The following CIC variants were observed in gnomAD, a reference collection of about 807,000 sequenced individuals.
CIC encodes the protein capicua transcriptional repressor, also known as protein capicua homolog.
CIC carries 18 observed loss-of-function variants against 115.7 expected under a neutral mutation model. The ratio of observed to expected loss-of-function variants is 0.16; its 90% CI spans 0.11 to 0.23. CIC has a LOEUF of 0.23. Ranked by LOEUF, CIC falls within the 10% of genes least tolerant of loss-of-function variation. The pLI, the probability that CIC is intolerant of heterozygous loss-of-function variation, is 1.00. For missense variants in CIC, 2,000 were observed against 2,159.3 expected (o/e 0.93, Z 1.46); for synonymous variants, 1,076 against 923.0 (o/e 1.17, Z -3.01).
chr19:42,284,587 G>T (rs1296585191), intron 2 of CIC: 1 of 402,616 alleles, frequency 2.5e-6, no homozygotes, highest in East Asian at 4.4e-5. Context: ...GGCATGCGGC[G>T]ACGGCCTCCC....
In CIC at chr19:42,292,099, C is replaced by G; in HGVS notation, c.5627C>G (p.Thr1876Ser). The change falls in exon 13 of 21, where the codon ACC becomes AGC. Residue 1876 changes from threonine (T) to serine (S), a missense_variant. Physicochemically the swap from Thr to Ser is moderately conservative, Grantham distance 58. Around this residue, in one of 8 missense-constraint regions of CIC, gnomAD observed 1,466 missense variants for 1,390.4 expected, o/e 1.05. Coordinates refer to ENST00000681038, the MANE Select transcript of CIC (RefSeq NM_001386298.1). ...CCTTCTCCACAGATCATCCAGCTGA[C>G]CCCGGTGCCTGTGAGCACACCCAGC... ...AQPPSKIIQL[T>S]PVPVSTPSGL... 6.2e-7 allele frequency: 1 copy of G among 1,613,896 alleles called. No individual in the cohort carries two copies. The highest frequency in any genetic ancestry group is 8.5e-7 in the Non-Finnish European group (1 of 1,180,012).
intron 2 of CIC, among the ~76,000 whole-genome samples, chr19:42,279,075 C>G (rs1439707627): frequency 1.3e-5 from 2 of 152,212 alleles, no homozygotes; most frequent in East Asian, 3.8e-4. Flanking sequence ...AAAGGAGTCC[C>G]AGATATAGTG....
chr19:42,292,005 G>C (rs1216151572), intron 12 of CIC, 81 bp from the exon 13 acceptor site: 1 of 1,597,344 alleles, frequency 6.3e-7, no homozygotes, highest in African/African-American at 1.3e-5. Flanking sequence ...TTTGCTTAGA[G>C]TCCCACTTGA....
In CIC at chr19:42,291,035, C is replaced by T. The variant is rs377759151; in HGVS notation, c.4994C>T (p.Ala1665Val). Residue 1665 changes from alanine to valine, a missense_variant, in exon 11 of 21, where the codon GCG becomes GTG. Physicochemically the swap from Ala to Val is moderately conservative, Grantham distance 64 (BLOSUM62 0). Transcript: ENST00000681038. Reference protein sequence around the residue: ...AGPLLGTVGKAPATVTNLLVG... With the variant: ...AGPLLGTVGKVPATVTNLLVG... The stretch of plus-strand genomic sequence containing the variant: ...CCCCTGCTGGGCACTGTGGGGAAGG[C>T]GCCTGCCACTGTCACTAACCTACTG... 52 of 1,613,628 alleles carry T rather than the reference C, an allele frequency of 3.2e-5. No homozygotes were observed. The highest frequency in any genetic ancestry group is 3.1e-4 in the African/African-American group (23 of 74,906).
rs2147181380 is a variant in CIC, at chr19:42,287,144, C to A, written c.3083C>A (p.Ser1028Tyr). 2 of 1,613,608 alleles carry A rather than the reference C, an allele frequency of 1.2e-6. No individual in the cohort carries two copies. The highest frequency in any genetic ancestry group is 1.7e-6 in the Non-Finnish European group (2 of 1,179,896). The change falls in exon 4 of 21, where the codon TCT (serine) becomes TAT (tyrosine). Residue 1028 changes from serine to tyrosine, a missense_variant. By Grantham distance (144) the Ser-to-Tyr change is moderately radical. Around this residue, in one of 8 missense-constraint regions of CIC, gnomAD observed 222 missense variants for 247.7 expected, o/e 0.90. Coordinates refer to ENST00000681038, the MANE Select transcript of CIC (RefSeq NM_001386298.1). This position sits in a 1 kb window ranked among gnomAD's most constrained non-coding sequence, Gnocchi z 8.7. ...CCACACCCTTTGGGGGTGGTGGAAT[C>A]TGGTAAGGGTCCGCCTCCCACCACG... ...GPPHPLGVVE[S>Y]GKGPPPTTEE... is the part of the protein sequence containing the mutation.
At chr19:42,288,848 A>G (rs1000916175) in intron 7 of CIC, 40 bp from the exon 8 acceptor site, 23 of 1,583,824 alleles carry the variant, frequency 1.5e-5, no homozygotes, top group Non-Finnish European at 1.9e-5. Flanking sequence ...TGCTGGTGAC[A>G]GGCTTACTGA....
chr19:42,293,923 C>T lies in CIC; in HGVS notation c.6768-12C>T, dbSNP rs761831961. ...GGCTGAGGCGGGGGAGGTGACCCTGCCGGCCCTCCAGCAGGGTCCTGTCAG... is the reference window on the plus strand; with the variant it reads ...GGCTGAGGCGGGGGAGGTGACCCTGTCGGCCCTCCAGCAGGGTCCTGTCAG... On this transcript the variant is annotated splice_polypyrimidine_tract_variant and intron_variant, in intron 17 of 20. Transcript: ENST00000681038. 6.2e-7 allele frequency: 1 copy of T among 1,612,702 alleles called. No homozygotes were observed. The highest frequency in any genetic ancestry group is 8.5e-7 in the Non-Finnish European group (1 of 1,179,944).
chr19:42,289,486 C>T, intron 9 of CIC, 80 bp downstream of exon 9: 1 of 1,412,784 alleles, frequency 7.1e-7, no homozygotes, highest in Non-Finnish European at 9.8e-7. Context: ...TGGATCCAGG[C>T]CCCTAGGCCC....
At chr19:42,282,700 T>C (rs2037314841) in intron 2 of CIC, among the ~76,000 whole-genome samples, 3 of 152,232 alleles carry the variant, frequency 2.0e-5, no homozygotes. Flanking sequence ...GACTGCATGA[T>C]CTTGCCACAG....
At chr19:42,291,809 CT>C (rs978257107) in intron 12 of CIC, 64 bp downstream of exon 12, 2 of 1,588,942 alleles carry the variant, frequency 1.3e-6, no homozygotes, top group East Asian at 2.2e-5. Flanking sequence ...ATTTCTTTGT[CT>C]TTTTTTTCAG....
In CIC at chr19:42,290,629, C is replaced by T. The variant is rs1284125732; in HGVS notation, c.4588C>T (p.Pro1530Ser). The T allele has an allele frequency of 2.5e-6, 4 of 1,613,614 alleles. No homozygotes were observed. The African/African-American group carries it at 5.3e-5, about 22-fold the overall frequency. The change falls in exon 11 of 21, where the codon CCC (proline) becomes TCC (serine). Residue 1530 changes from proline (P) to serine (S), a missense_variant. Coordinates refer to ENST00000681038, the MANE Select transcript of CIC (RefSeq NM_001386298.1). ...AGGCCCCTCAGTCATCGCGGCCCCT[C>T]CCAGCGGAGGAGGAAACATCCTGCA... The part of the protein sequence containing the change: ...PPGPSVIAAP[P>S]SGGGNILQTL...
chr19:42,292,267 C>A (rs202086715), intron 13 of CIC, 33 bp from the exon 14 acceptor site: 405 of 1,613,626 alleles, frequency 2.5e-4, no homozygotes, highest in Non-Finnish European at 3.1e-4. Flanking sequence ...GGCCGGCTTA[C>A]CTCACTCCTC....
intron 10 of CIC, 105 bp from the exon 11 acceptor site, chr19:42,290,128 A>G (rs2037967365): frequency 6.5e-7 from 1 of 1,543,694 alleles, no homozygotes; most frequent in Non-Finnish European, 8.9e-7. Context: ...GCAGGGGTGC[A>G]GCCCTAGGCT....
rs760910076 is a variant in CIC, at chr19:42,290,694, C to T, written c.4653C>T (p.Gly1551=). Residue 1551 remains glycine (G), a synonymous_variant, in exon 11 of 21, where the codon GGC becomes GGT. Coordinates refer to ENST00000681038, the MANE Select transcript of CIC (RefSeq NM_001386298.1). Reference sequence around the variant, plus strand: ...CCCCAAACAAGGAGGAGCAAGAGGGCGGCGGAGCCAGAGTGCCCTCCGCCC... The same window carrying T: ...CCCCAAACAAGGAGGAGCAAGAGGGTGGCGGAGCCAGAGTGCCCTCCGCCC... The part of the protein sequence containing the change: ...VLPPNKEEQE[G]GGARVPSAPA... 41 of 1,612,938 alleles carry T rather than the reference C, an allele frequency of 2.5e-5. No homozygotes were observed. The highest frequency in any genetic ancestry group is 3.0e-5 in the Non-Finnish European group (35 of 1,179,876).
intron 2 of CIC, among the ~76,000 whole-genome samples, chr19:42,277,214 T>G (rs977118094): frequency 3.3e-5 from 5 of 152,206 alleles, no homozygotes; most frequent in African/African-American, 1.2e-4. Context: ...CTTGCCCGGG[T>G]CCTCCAGCTA....
intron 2 of CIC, among the ~76,000 whole-genome samples, chr19:42,282,484 C>G (rs1406888520): frequency 6.6e-6 from 1 of 152,242 alleles, no homozygotes; most frequent in Non-Finnish European, 1.5e-5. Context: ...TCCAGGGCCT[C>G]TGGGTCTCTG....
rs757853162 is a variant in CIC at position 42,292,689 on chromosome 19, C to T, written c.6026C>T (p.Pro2009Leu). ...PVITAFYSGS[P>L]APTSSAPLAQ... ...ATAACAGCATTTTACTCTGGCAGCCCTGCACCCACCTCCTCAGCACCCCTG... is the reference window on the plus strand; with the variant it reads ...ATAACAGCATTTTACTCTGGCAGCCTTGCACCCACCTCCTCAGCACCCCTG... Residue 2009 changes from proline (P) to leucine (L), a missense_variant, in exon 15 of 21, where the codon CCT becomes CTT. By Grantham distance (98) the Pro-to-Leu change is moderately conservative. This residue lies in a region of CIC where 1,466 missense variants were observed against 1,390.4 expected (regional missense o/e 1.05). Coordinates refer to ENST00000681038, the MANE Select transcript of CIC (RefSeq NM_001386298.1). 10 of 1,613,808 alleles carry T rather than the reference C, an allele frequency of 6.2e-6. No homozygotes were observed. Among genetic ancestry groups the T allele is most frequent in the South Asian group, 1.1e-5 (1 of 91,094 alleles).
chr19:42,274,870 G>T (rs965810542), intron 2 of CIC, among the ~76,000 whole-genome samples: 7 of 152,146 alleles, frequency 4.6e-5, no homozygotes, highest in African/African-American at 1.7e-4. Context: ...GAGCTGATGG[G>T]ATAAGAGAAT....
intron 10 of CIC, 129 bp downstream of exon 10, chr19:42,290,080 G>A: frequency 7.1e-7 from 1 of 1,400,716 alleles, no homozygotes; most frequent in South Asian, 1.2e-5. Context: ...CCCGTGGGGA[G>A]TTGGGTCATA....
Sources: gnomAD v4.1 joint callset for allele counts (sites outside exome capture counted in the v4.1 genomes callset) on GRCh38, gnomAD v4.1.1 for gene constraint, gnomAD v4.1.1 regional missense constraint, Gnocchi (gnomAD v3.1) non-coding constraint, MANE v1.5 for transcripts, NCBI Gene and HGNC (gene_info 2026-07-23, HGNC 2026-07-21) for gene names.